DNAH7: variants seen among roughly 807,000 people sequenced by gnomAD.
DNAH7 encodes the protein axonemal beta dynein heavy chain 7.
DNAH7 carries 397 observed loss-of-function variants against 444.6 expected under a neutral mutation model. That is an observed-to-expected ratio of 0.89 (90% CI 0.82 to 0.97). The LOEUF (loss-of-function observed/expected upper bound fraction) is 0.97, where lower values mean the gene tolerates loss of function less well. Among genes scored for constraint, DNAH7 ranks in the 50% least tolerant of loss-of-function variants. The pLI is 0.00. For missense variants in DNAH7, 4,902 were observed against 4,800.8 expected (o/e 1.02, Z -0.62); for synonymous variants, 1,636 against 1,624.4 (o/e 1.01, Z -0.17).
chr2:195,784,834 A>G (rs747877107), intron 58 of DNAH7, among the ~76,000 whole-genome samples: 3 of 151,948 alleles, frequency 2.0e-5, no homozygotes, highest in Non-Finnish European at 4.4e-5. Flanking sequence ...CTCTGATGAC[A>G]TATAATGTGG....
At chr2:195,942,720 T>C (rs1198960780) in intron 19 of DNAH7, among the ~76,000 whole-genome samples, 2 of 152,132 alleles carry the variant, frequency 1.3e-5, no homozygotes, top group Non-Finnish European at 2.9e-5. Flanking sequence ...AGCAAAATTG[T>C]TGTTAGCAGA....
intron 19 of DNAH7, among the ~76,000 whole-genome samples, chr2:195,940,330 C>T (rs1689341044): frequency 6.6e-6 from 1 of 152,118 alleles, no homozygotes; most frequent in Non-Finnish European, 1.5e-5. Flanking sequence ...ATGCAGAAAA[C>T]AGAAACTGGA....
intron 19 of DNAH7, among the ~76,000 whole-genome samples, chr2:195,942,442 G>T (rs988457513): frequency 6.6e-6 from 1 of 151,584 alleles, no homozygotes; most frequent in Non-Finnish European, 1.5e-5. Context: ...AGATGAAGAG[G>T]AGGAAGAGGA....
intron 1 of DNAH7, chr2:196,063,344 T>C (rs1056225252): frequency 6.6e-6 from 1 of 152,244 alleles, no homozygotes; most frequent in African/African-American, 2.4e-5. Context: ...TTCAACATAT[T>C]GGGTATCAGG....
rs369359833 is a variant in DNAH7, at chr2:195,806,812, G to T, written c.10104C>A (p.Phe3368Leu). The T allele has an allele frequency of 6.2e-7, 1 of 1,613,296 alleles. No homozygotes were observed. The highest frequency in any genetic ancestry group is 1.3e-5 in the African/African-American group (1 of 74,922). The change falls in exon 54 of 65, where the codon TTC becomes TTA. Residue 3368 changes from phenylalanine to leucine, a missense_variant. Transcript: ENST00000312428. ...YDSLEPHHEV[F>L]PEEWEDKANE... ...TTGCTTTATCTTCCCATTCTTCAGG[G>T]AAAACCTCATGGTGTGGTTCCTAAA...
intron 10 of DNAH7, among the ~76,000 whole-genome samples, chr2:196,002,857 A>G (rs1022738557): frequency 1.3e-5 from 2 of 151,948 alleles, no homozygotes; most frequent in Admixed American, 6.6e-5. Flanking sequence ...AAAATACAAA[A>G]ATTAGCTGGG....
At chr2:195,806,377 G>T (rs1158805666) in intron 54 of DNAH7, among the ~76,000 whole-genome samples, 1 of 152,102 alleles carries the variant, frequency 6.6e-6, no homozygotes, top group East Asian at 1.9e-4. Flanking sequence ...GAAGTCCACA[G>T]ATTCTAGTCT....
intron 63 of DNAH7, among the ~76,000 whole-genome samples, chr2:195,744,273 T>C (rs1335409380): frequency 2.0e-5 from 3 of 152,122 alleles, no homozygotes; most frequent in Non-Finnish European, 4.4e-5. Flanking sequence ...AGCACAGCAG[T>C]CTGAGATCAA....
At chr2:195,920,768 C>T (rs577625391) in intron 24 of DNAH7, among the ~76,000 whole-genome samples, 13 of 152,296 alleles carry the variant, frequency 8.5e-5, no homozygotes, top group African/African-American at 2.9e-4. Flanking sequence ...AAATAATCAG[C>T]AGAGTAAACA....
At chr2:195,918,663 T>C (rs1008519579) in intron 24 of DNAH7, among the ~76,000 whole-genome samples, 3 of 152,304 alleles carry the variant, frequency 2.0e-5, no homozygotes, top group Middle Eastern at 3.4e-3. Context: ...AGAGACAGTA[T>C]GTATAATTCT....
chr2:195,834,936 T>C (rs1367909449), intron 47 of DNAH7, among the ~76,000 whole-genome samples: 1 of 152,228 alleles, frequency 6.6e-6, no homozygotes, highest in East Asian at 1.9e-4. Context: ...GTTAACACAA[T>C]TGTTGACCCA....
At chr2:196,035,531 T>C (rs1201350181) in intron 5 of DNAH7, among the ~76,000 whole-genome samples, 1 of 152,128 alleles carries the variant, frequency 6.6e-6, no homozygotes, top group Non-Finnish European at 1.5e-5. Flanking sequence ...ATGAAGTAGC[T>C]GAAGAGAGGC....
At chr2:195,991,725 G>A (rs546902496) in intron 12 of DNAH7, among the ~76,000 whole-genome samples, 4 of 152,180 alleles carry the variant, frequency 2.6e-5, no homozygotes, top group Admixed American at 1.3e-4. Flanking sequence ...GTCATAATTC[G>A]CACACTTGTA....
intron 20 of DNAH7, 134 bp from the exon 21 acceptor site, chr2:195,934,923 AAAAC>A (rs1688950322): frequency 1.0e-5 from 9 of 901,270 alleles, no homozygotes; most frequent in Admixed American, 5.5e-5. Flanking sequence ...GGAAACCCCC[AAAAC>A]AAACAAACAA....
chr2:195,772,897 C>T (rs569690510), intron 60 of DNAH7, among the ~76,000 whole-genome samples: 256 of 151,772 alleles, frequency 1.7e-3, no homozygotes, highest in African/African-American at 5.9e-3. Flanking sequence ...TCTCCTGCCT[C>T]GGTCTCCCAA....
At chr2:196,025,065 T>G (rs1249524822) in intron 7 of DNAH7, among the ~76,000 whole-genome samples, 1 of 152,222 alleles carries the variant, frequency 6.6e-6, no homozygotes, top group Non-Finnish European at 1.5e-5. Flanking sequence ...TGGAGATGAT[T>G]TAAAGTATAC....
chr2:195,792,016 A>G (rs1695897780), intron 57 of DNAH7, among the ~76,000 whole-genome samples: 2 of 151,892 alleles, frequency 1.3e-5, no homozygotes, highest in African/African-American at 4.8e-5. Flanking sequence ...AAAATATAAA[A>G]ATTAGCCAGG....
chr2:195,744,441 AAGAC>A, intron 63 of DNAH7, among the ~76,000 whole-genome samples: 2 of 152,242 alleles, frequency 1.3e-5, no homozygotes, highest in Middle Eastern at 6.8e-3. Flanking sequence ...AACAAACAAA[AAGAC>A]AGCAGTAACC....
intron 10 of DNAH7, among the ~76,000 whole-genome samples, chr2:196,008,499 G>C (rs953231229): frequency 1.1e-4 from 16 of 151,990 alleles, no homozygotes; most frequent in Non-Finnish European, 2.1e-4. Context: ...CCAAAAAGTG[G>C]AAACAACCCA....
Sources: allele counts gnomAD v4.1 joint callset (sites outside exome capture counted in the v4.1 genomes callset), GRCh38; gene constraint gnomAD v4.1.1; transcripts MANE v1.5; gene names NCBI Gene and HGNC (gene_info 2026-07-23, HGNC 2026-07-21).